Variants in STPG2 observed in about 807,000 individuals in gnomAD.
The protein encoded by STPG2 is sperm tail PG-rich repeat containing 2.
In STPG2, 56 loss-of-function variants were observed where a neutral mutation model predicts 54.2. The observed-to-expected ratio is 1.03, with a 90% CI of 0.83 to 1.29. The LOEUF (loss-of-function observed/expected upper bound fraction) is 1.29. Ranked by LOEUF, STPG2 falls within the 50% of genes most tolerant of loss-of-function variation. STPG2 has a pLI of 0.00. For synonymous variants in STPG2, 200 were observed against 181.8 expected, an observed-to-expected ratio of 1.10 and a Z score of -0.81; for missense variants, 596 against 544.9, an observed-to-expected ratio of 1.09 and a Z score of -0.93.
chr4:97,969,436 A>C (rs901567906), intron 7 of STPG2, among the ~76,000 whole-genome samples: 1 of 152,096 alleles, frequency 6.6e-6, no homozygotes, highest in Non-Finnish European at 1.5e-5. Context: ...CACTAAACTT[A>C]ATAACAAATG....
intron 5 of STPG2, among the ~76,000 whole-genome samples, chr4:98,079,534 G>A (rs1461042609): frequency 6.6e-6 from 1 of 152,032 alleles, no homozygotes; most frequent in African/African-American, 2.4e-5. Flanking sequence ...GTCCTACCAA[G>A]AAATTCTTTT....
intron 8 of STPG2, among the ~76,000 whole-genome samples, chr4:97,933,874 A>G (rs1184171205): frequency 6.6e-6 from 1 of 152,156 alleles, no homozygotes; most frequent in Non-Finnish European, 1.5e-5. Flanking sequence ...TATGAAGTTT[A>G]AAGTAGTTTT....
intron 8 of STPG2, among the ~76,000 whole-genome samples, chr4:97,915,717 T>C (rs1402575470): frequency 6.6e-6 from 1 of 151,638 alleles, no homozygotes; most frequent in African/African-American, 2.4e-5. Context: ...TAGGGCCCAG[T>C]GGAATTGTGG....
intron 9 of STPG2, among the ~76,000 whole-genome samples, chr4:97,833,211 T>C (rs536332370): frequency 6.6e-6 from 1 of 152,214 alleles, no homozygotes; most frequent in South Asian, 2.1e-4. Flanking sequence ...ACACCACGCA[T>C]CTACAACCAT....
chr4:97,907,204 G>A (rs1184107447), intron 8 of STPG2, among the ~76,000 whole-genome samples: 5 of 151,080 alleles, frequency 3.3e-5, no homozygotes, highest in Non-Finnish European at 5.9e-5. Flanking sequence ...AAAATCACAA[G>A]CATTCTTATA....
At chr4:97,975,283 T>TA (rs5860515) in intron 6 of STPG2, among the ~76,000 whole-genome samples, 59,992 of 151,934 alleles carry the variant, frequency 0.39, 12,008 homozygotes, top group Middle Eastern at 0.46. Context: ...TTATTATGTA[T>TA]AGGTATACCT....
chr4:97,894,440 T>C (rs767426470), intron 8 of STPG2, among the ~76,000 whole-genome samples: 1 of 151,930 alleles, frequency 6.6e-6, no homozygotes, highest in Non-Finnish European at 1.5e-5. Flanking sequence ...GTTTCAAAAA[T>C]AGAAGAAAAT....
intron 7 of STPG2, among the ~76,000 whole-genome samples, chr4:97,956,866 C>G (rs1378116759): frequency 1.3e-5 from 2 of 151,986 alleles, no homozygotes; most frequent in Non-Finnish European, 2.9e-5. Context: ...CAGAGCCTAC[C>G]CAAATGAGAA....
At chr4:98,122,996 A>G (rs1160363874) in intron 3 of STPG2, among the ~76,000 whole-genome samples, 2 of 152,164 alleles carry the variant, frequency 1.3e-5, no homozygotes, top group Admixed American at 6.5e-5. Context: ...AGGTGTTTAT[A>G]GTATCCTCTG....
At chr4:97,783,505 A>C (rs1206029834) in intron 9 of STPG2, among the ~76,000 whole-genome samples, 1 of 152,212 alleles carries the variant, frequency 6.6e-6, no homozygotes, top group Non-Finnish European at 1.5e-5. Context: ...ACCATTGTGG[A>C]AGACAGTGTG....
intron 9 of STPG2, among the ~76,000 whole-genome samples, chr4:97,799,062 T>G (rs1369826010): frequency 7.9e-6 from 1 of 126,098 alleles, no homozygotes; most frequent in Non-Finnish European, 1.6e-5. Flanking sequence ...CCCTTTATTT[T>G]GAGCCTCTGT....
intron 10 of STPG2, among the ~76,000 whole-genome samples, chr4:97,712,147 C>T (rs1040029525): frequency 3.9e-5 from 6 of 152,040 alleles, no homozygotes; most frequent in Non-Finnish European, 5.9e-5. Flanking sequence ...AATGGGGAAC[C>T]TATTTCATTC....
intron 7 of STPG2, among the ~76,000 whole-genome samples, chr4:97,962,762 C>T (rs765490845): frequency 2.6e-5 from 4 of 152,162 alleles, no homozygotes; most frequent in African/African-American, 4.8e-5. Flanking sequence ...ATAACTTGCA[C>T]GAGATCAGTG....
chr4:97,936,121 A>C (rs1162010462), intron 8 of STPG2, among the ~76,000 whole-genome samples: 1 of 152,150 alleles, frequency 6.6e-6, no homozygotes, highest in Non-Finnish European at 1.5e-5. Context: ...TCATCCCTTT[A>C]CCGTTATGTA....
intron 8 of STPG2, among the ~76,000 whole-genome samples, chr4:97,915,055 T>A (rs1402178155): frequency 6.6e-6 from 1 of 152,220 alleles, no homozygotes; most frequent in Non-Finnish European, 1.5e-5. Flanking sequence ...TCCATTCATC[T>A]AGTGATAGAT....
intron 8 of STPG2, among the ~76,000 whole-genome samples, chr4:97,879,047 C>T (rs558609026): frequency 6.6e-6 from 1 of 152,304 alleles, no homozygotes; most frequent in South Asian, 2.1e-4. Context: ...AGTCTCCTTG[C>T]TAAAACATAG....
At chr4:97,875,488 G>GAA (rs1410581302) in intron 8 of STPG2, among the ~76,000 whole-genome samples, 1 of 151,678 alleles carries the variant, frequency 6.6e-6, no homozygotes, top group African/African-American at 2.4e-5. Flanking sequence ...ACATATAAAT[G>GAA]AAAAAGGAAA....
intron 4 of STPG2, among the ~76,000 whole-genome samples, chr4:97,518,418 T>C (rs1731117439): frequency 6.6e-6 from 1 of 152,116 alleles, no homozygotes; most frequent in South Asian, 2.1e-4. Context: ...CATTTTCTTT[T>C]TATAAAACAA....
At chr4:97,807,115 T>C (rs561181465) in intron 9 of STPG2, among the ~76,000 whole-genome samples, 1 of 151,704 alleles carries the variant, frequency 6.6e-6, no homozygotes, top group South Asian at 2.1e-4. Flanking sequence ...TATTGTACTT[T>C]ATTTTCTTCC....
Sources: allele counts gnomAD v4.1 joint callset (sites outside exome capture counted in the v4.1 genomes callset), GRCh38; gene constraint gnomAD v4.1.1; transcripts MANE v1.5; gene names NCBI Gene and HGNC (gene_info 2026-07-23, HGNC 2026-07-21).